Variants in SON observed in about 807,000 individuals in gnomAD.
The protein encoded by SON is protein SON.
Under a neutral mutation model 173.3 loss-of-function variants are expected in SON, and 4 were observed. The ratio of observed to expected loss-of-function variants is 0.02; its 90% CI spans 0.01 to 0.05. SON has a LOEUF of 0.05. SON is among the 10% of genes least tolerant of loss of function. The pLI, the probability that SON is intolerant of heterozygous loss-of-function variation, is 1.00. For missense variants in SON, 2,626 were observed against 3,055.3 expected, an observed-to-expected ratio of 0.86 and a Z score of 3.31; for synonymous variants, 1,190 against 1,105.9, an observed-to-expected ratio of 1.08 and a Z score of -1.51.
intron 6 of SON, among the ~76,000 whole-genome samples, chr21:33,566,106 C>T (rs1358151323): frequency 6.6e-6 from 1 of 152,138 alleles, no homozygotes; most frequent in African/African-American, 2.4e-5. Flanking sequence ...TAGCTATTTA[C>T]TGACTTCCCC....
chr21:33,547,488 A>G (rs1035800782), intron 2 of SON, among the ~76,000 whole-genome samples: 9 of 152,154 alleles, frequency 5.9e-5, no homozygotes, highest in Admixed American at 2.0e-4. Context: ...TCTGGAATCA[A>G]GTTTGTAATA....
chr21:33,570,269 A>G (rs1392973365), intron 8 of SON: 2 of 152,210 alleles, frequency 1.3e-5, no homozygotes, highest in Non-Finnish European at 2.9e-5. Context: ...ATGGTTACCT[A>G]TAGAGAGTTG....
intron 2 of SON, among the ~76,000 whole-genome samples, chr21:33,549,163 C>T (rs1366543201): frequency 1.2e-5 from 1 of 86,020 alleles, no homozygotes; most frequent in Non-Finnish European, 2.2e-5. Flanking sequence ...ACTGAAACCT[C>T]GACCTACTGG....
At chr21:33,560,276 C>T in intron 6 of SON, 1 of 1,443,156 alleles carries the variant, frequency 6.9e-7, no homozygotes. Context: ...CTTACTGTTT[C>T]TCTGGGTTGT....
intron 8 of SON, among the ~76,000 whole-genome samples, chr21:33,571,553 G>T (rs903734675): frequency 1.2e-4 from 18 of 152,176 alleles, no homozygotes; most frequent in African/African-American, 4.1e-4. Flanking sequence ...TCGTTTAAAA[G>T]AAATTTTATT....
chr21:33,543,704 C>T (rs532176975), intron 1 of SON, among the ~76,000 whole-genome samples: 2 of 152,242 alleles, frequency 1.3e-5, no homozygotes, highest in Admixed American at 1.3e-4. Context: ...CCTGTAGTAT[C>T]TGTCAGCCGT....
chr21:33,550,088 C>T lies in SON; in HGVS notation c.857C>T (p.Pro286Leu), dbSNP rs2085725869. ...LKSVESTSPE[P>L]SKIMLVEPPV... Reference sequence around the variant, plus strand: ...TCTGTGGAGAGCACATCTCCAGAGCCATCAAAGATCATGTTGGTAGAGCCC... The same window carrying T: ...TCTGTGGAGAGCACATCTCCAGAGCTATCAAAGATCATGTTGGTAGAGCCC... The change falls in exon 3 of 12, where the codon CCA (proline) becomes CTA (leucine). Residue 286 changes from proline (P) to leucine (L), a missense_variant. Coordinates refer to ENST00000356577, the MANE Select transcript of SON (RefSeq NM_138927.4). 1 of 1,614,036 alleles carries T rather than the reference C, an allele frequency of 6.2e-7. No homozygotes were observed.
In SON at chr21:33,572,892, A is replaced by G. The variant is rs566893591; in HGVS notation, c.6886-416A>G. 11 of 241,758 alleles carry G rather than the reference A, an allele frequency of 4.6e-5. No homozygotes were observed. The East Asian group carries it at 1.3e-3, about 28-fold the overall frequency. The allele number at this position is 241,758 out of a possible 1,614,324, so 15.0% of individuals were successfully genotyped here. On this transcript the variant is annotated intron_variant, in intron 8 of 11. Coordinates refer to ENST00000356577, the MANE Select transcript of SON (RefSeq NM_138927.4). ...CTTCTTCAGTGTCTAAACTATTTCT[A>G]AGTGATTTCTGGGCTTTATTCATAA...
chr21:33,545,206 CAG>C (rs569807728), intron 1 of SON, among the ~76,000 whole-genome samples: 82 of 152,234 alleles, frequency 5.4e-4, no homozygotes, highest in African/African-American at 1.5e-3. Flanking sequence ...GTGGTGATCT[CAG>C]AGTTTTGTTA....
In SON at chr21:33,551,573, T is replaced by A; in HGVS notation, c.2342T>A (p.Met781Lys). ...MDSQMLATSS[M>K]DSQMLATSTM... Reference sequence around the variant, plus strand: ...TCCCAGATGTTAGCAACTAGCTCCATGGACTCCCAGATGTTAGCAACTAGC... The same window carrying A: ...TCCCAGATGTTAGCAACTAGCTCCAAGGACTCCCAGATGTTAGCAACTAGC... Residue 781 changes from methionine (M) to lysine (K), a missense_variant, in exon 3 of 12, where the codon ATG (methionine) becomes AAG (lysine). Coordinates refer to ENST00000356577, the MANE Select transcript of SON (RefSeq NM_138927.4). The A allele has an allele frequency of 2.5e-6, 4 of 1,613,658 alleles. No individual in the cohort carries two copies. Among genetic ancestry groups the A allele is most frequent in the Non-Finnish European group, 3.4e-6 (4 of 1,179,986 alleles).
chr21:33,553,018 C>T lies in SON; in HGVS notation c.3787C>T (p.Pro1263Ser). The change falls in exon 3 of 12, where the codon CCT becomes TCT. Residue 1263 changes from proline to serine, a missense_variant. Pro to Ser is a moderately conservative substitution (Grantham distance 74). Coordinates refer to ENST00000356577, the MANE Select transcript of SON (RefSeq NM_138927.4). ...GCCAGAATCTTCAATTACGTTAACACCTGTAGAGTCTGCAGTAGTAGCAGA... is the reference window on the plus strand; with the variant it reads ...GCCAGAATCTTCAATTACGTTAACATCTGTAGAGTCTGCAGTAGTAGCAGA... ...PEPESSITLT[P>S]VESAVVAEEH... 6.2e-7 allele frequency: 1 copy of T among 1,612,712 alleles called. No individual in the cohort carries two copies. Among genetic ancestry groups the T allele is most frequent in the Non-Finnish European group, 8.5e-7 (1 of 1,178,780 alleles).
At chr21:33,575,050 T>C (rs1263939545) in intron 9 of SON, among the ~76,000 whole-genome samples, 2 of 152,152 alleles carry the variant, frequency 1.3e-5, no homozygotes, top group African/African-American at 4.8e-5. Context: ...GCTATTTTTT[T>C]TCTTTTTTTG....
chr21:33,546,521 T>A, intron 2 of SON, 142 bp downstream of exon 2: 3 of 602,684 alleles, frequency 5.0e-6, no homozygotes, highest in Non-Finnish European at 8.1e-6. Context: ...GGCTCACGCC[T>A]GTAATCCCAG....
rs895557159 is a variant in SON at position 33,560,712 on chromosome 21, C to T, written c.6657+937C>T. ...CTTGGGGGATGTGGGAGGGTGGAGTCTTAATAGGGGGGTGGGAGTTTTAAT... is the reference window on the plus strand; with the variant it reads ...CTTGGGGGATGTGGGAGGGTGGAGTTTTAATAGGGGGGTGGGAGTTTTAAT... On this transcript the variant is annotated intron_variant, in intron 6 of 11. Transcript: ENST00000356577. 3.4e-5 allele frequency: 21 copies of T among 623,772 alleles called. No individual in the cohort carries two copies. The African/African-American group carries it at 3.8e-4, about 11-fold the overall frequency. The allele number at this position is 623,772 out of a possible 1,614,324, so 38.6% of individuals were successfully genotyped here.
Position 33,557,326 on chromosome 21 carries a change from A to G in SON, c.6321+10A>G, listed in dbSNP as rs200305568. The G allele has an allele frequency of 5.0e-6, 8 of 1,613,484 alleles. No homozygotes were observed. The highest frequency in any genetic ancestry group is 6.8e-6 in the Non-Finnish European group (8 of 1,179,770). The stretch of plus-strand genomic sequence containing the variant: ...AGAAGAACTAACTGAGGTAAGCTAG[A>G]CAGAATTTGTTTTCATTCTTAAATG... On this transcript the variant is annotated intron_variant, in intron 4 of 11. Coordinates refer to ENST00000356577, the MANE Select transcript of SON (RefSeq NM_138927.4).
Position 33,552,216 on chromosome 21 carries a change from T to G in SON, c.2985T>G (p.Ser995=), listed in dbSNP as rs1022320616. The G allele has an allele frequency of 6.2e-7, 1 of 1,614,068 alleles. No individual in the cohort carries two copies. Among genetic ancestry groups the G allele is most frequent in the African/African-American group, 1.3e-5 (1 of 74,926 alleles). Residue 995 remains serine, a synonymous_variant, in exon 3 of 12, where the codon TCT becomes TCG. Coordinates refer to ENST00000356577, the MANE Select transcript of SON (RefSeq NM_138927.4). This position sits in a 1 kb window ranked among gnomAD's most constrained non-coding sequence, Gnocchi z 5.6. ...CACCTAGACCCCTGATGTTAGCATC[T>G]AGACGTTCTATGATGATGTCCTATG... ...RLAPRPLMLA[S]RRSMMMSYAA...
In SON at chr21:33,576,968, T is replaced by A. The variant is rs1293542035; in HGVS notation, c.*544T>A. The A allele has an allele frequency of 1.0e-5, 2 of 194,716 alleles. No homozygotes were observed. The highest frequency in any genetic ancestry group is 1.1e-5 in the Non-Finnish European group (1 of 90,780). 12.1% of individuals were successfully genotyped at this position (194,716 alleles called of 1,614,324 possible). A position where few individuals can be genotyped will look rare whatever the true frequency, so the allele number is the denominator to read the frequency against. On this transcript the variant is annotated 3_prime_UTR_variant, in exon 12 of 12. Coordinates refer to ENST00000356577, the MANE Select transcript of SON (RefSeq NM_138927.4). ...CTGTGCACCTTGTACTATTTCACAA[T>A]GGGTTCTGCTGGACAGATAATGGGC...
Position 33,553,351 on chromosome 21 carries a change from A to G in SON, c.4120A>G (p.Thr1374Ala). Residue 1374 changes from threonine (T) to alanine (A), a missense_variant, in exon 3 of 12, where the codon ACT (threonine) becomes GCT (alanine). Thr to Ala is a moderately conservative substitution (Grantham distance 58, BLOSUM62 0). Transcript: ENST00000356577. Reference protein sequence around the residue: ...AVTVLESSTVTVLESSTVTVL... With the variant: ...AVTVLESSTVAVLESSTVTVL... ...GACCGTCCTGGAGTCTTCGACTGTG[A>G]CTGTCCTGGAGTCTTCGACTGTAAC... is the stretch of plus-strand genomic sequence containing the variant. 6.3e-7 allele frequency: 1 copy of G among 1,583,832 alleles called. No individual in the cohort carries two copies. Among genetic ancestry groups the G allele is most frequent in the Non-Finnish European group, 8.7e-7 (1 of 1,155,546 alleles).
chr21:33,543,278 T>A, intron 1 of SON, 109 bp downstream of exon 1: 2 of 1,040,436 alleles, frequency 1.9e-6, no homozygotes, highest in East Asian at 4.9e-5. Context: ...CAGGCCCCGC[T>A]AGGGCCCCGC....
Sources: gnomAD v4.1 joint callset for allele counts (sites outside exome capture counted in the v4.1 genomes callset) on GRCh38, gnomAD v4.1.1 for gene constraint, Gnocchi (gnomAD v3.1) non-coding constraint, MANE v1.5 for transcripts, NCBI Gene and HGNC (gene_info 2026-07-23, HGNC 2026-07-21) for gene names.